SIAH3: variants seen among roughly 807,000 people sequenced by gnomAD.
The protein encoded by SIAH3 is seven in absentia homolog 3.
Under a neutral mutation model 12.6 loss-of-function variants are expected in SIAH3, and 9 were observed. The ratio of observed to expected loss-of-function variants is 0.72; its 90% CI spans 0.43 to 1.25. The LOEUF (loss-of-function observed/expected upper bound fraction) is 1.25. SIAH3 is among the 50% of genes most tolerant of loss of function. SIAH3 has a pLI of 0.00. For missense variants in SIAH3, 390 were observed against 365.4 expected (o/e 1.07, Z -0.55); for synonymous variants, 154 against 151.1 (o/e 1.02, Z -0.14).
chr13:45,796,637 T>C (rs1950563712), intron 1 of SIAH3, among the ~76,000 whole-genome samples: 2 of 152,242 alleles, frequency 1.3e-5, no homozygotes, highest in African/African-American at 2.4e-5. Context: ...CCTTTGCTCC[T>C]AGAGGCAGAA....
rs550880157 is a variant in SIAH3, at chr13:45,783,268, A to AT, written c.*114dup. The AT allele has an allele frequency of 9.3e-6, 6 of 642,780 alleles. No homozygotes were observed. Among genetic ancestry groups the AT allele is most frequent in the Non-Finnish European group, 1.4e-5 (6 of 444,246 alleles). The allele number at this position is 642,780 out of a possible 1,614,324, so 39.8% of individuals were successfully genotyped here. On this transcript the variant is annotated 3_prime_UTR_variant, in exon 2 of 2. Coordinates refer to ENST00000400405, the MANE Select transcript of SIAH3 (RefSeq NM_198849.3). ...GACAAAAAAATAATAATAATTAAAA[A>AT]TTAAAAAAAAAAAAAAGAAAGGAGA...
Position 45,788,684 on chromosome 13 carries a change from G to C in SIAH3, c.136-4627C>G, listed in dbSNP as rs369756512. Among the ~76,000 whole-genome samples, 29 of 152,288 alleles carry C rather than the reference G, an allele frequency of 1.9e-4. No individual in the cohort carries two copies. The South Asian group carries it at 4.3e-3, about 23-fold the overall frequency. On this transcript the variant is annotated intron_variant, in intron 1 of 1. Coordinates refer to ENST00000400405, the MANE Select transcript of SIAH3 (RefSeq NM_198849.3). Reference sequence around the variant, plus strand: ...CTTCTGAAGGGGAAACCTGCCTCTGGAAATACTACATGACCCTTTCTCTGG... The same window carrying C: ...CTTCTGAAGGGGAAACCTGCCTCTGCAAATACTACATGACCCTTTCTCTGG...
At chr13:45,814,876 C>T (rs1950628918) in intron 1 of SIAH3, among the ~76,000 whole-genome samples, 1 of 152,108 alleles carries the variant, frequency 6.6e-6, no homozygotes, top group Non-Finnish European at 1.5e-5. Context: ...GTGTGTGCCA[C>T]CATGCCCAGC....
intron 1 of SIAH3, among the ~76,000 whole-genome samples, chr13:45,850,886 G>A (rs912284230): frequency 2.7e-5 from 4 of 149,590 alleles, no homozygotes; most frequent in Admixed American, 2.0e-4. Context: ...CATCTAACCA[G>A]CAGGAAGGAA....
intron 1 of SIAH3, among the ~76,000 whole-genome samples, chr13:45,800,225 T>C (rs1292505049): frequency 1.3e-5 from 2 of 152,210 alleles, no homozygotes; most frequent in Admixed American, 1.3e-4. Context: ...TGTAGTCTTG[T>C]AAACTGTTTT....
intron 1 of SIAH3, among the ~76,000 whole-genome samples, chr13:45,814,552 T>C (rs1463908290): frequency 6.6e-6 from 1 of 152,076 alleles, no homozygotes; most frequent in Non-Finnish European, 1.5e-5. Context: ...AGAGACAGCA[T>C]ATGTGAGGTG....
At chr13:45,838,195 A>G (rs1319629081) in intron 1 of SIAH3, among the ~76,000 whole-genome samples, 2 of 152,212 alleles carry the variant, frequency 1.3e-5, no homozygotes, top group Non-Finnish European at 2.9e-5. Flanking sequence ...AAGACCACAC[A>G]AGGAAGCAAG....
intron 1 of SIAH3, among the ~76,000 whole-genome samples, chr13:45,794,317 G>A (rs1227347258): frequency 2.6e-5 from 4 of 152,234 alleles, no homozygotes; most frequent in Middle Eastern, 3.4e-3. Flanking sequence ...GTCCTTCCCA[G>A]GATGATTATC....
At chr13:45,794,952 C>CTTT (rs35047520) in intron 1 of SIAH3, among the ~76,000 whole-genome samples, 64 of 145,780 alleles carry the variant, frequency 4.4e-4, no homozygotes, top group African/African-American at 1.5e-3. Context: ...TCACTAGGAC[C>CTTT]TTTTTTTTTT....
intron 1 of SIAH3, among the ~76,000 whole-genome samples, chr13:45,835,510 CA>C (rs1419448955): frequency 6.6e-6 from 1 of 152,180 alleles, no homozygotes; most frequent in East Asian, 1.9e-4. Context: ...TATATTAACT[CA>C]TTTAGTCCTC....
chr13:45,791,020 T>C (rs1825935625), intron 1 of SIAH3, among the ~76,000 whole-genome samples: 1 of 151,814 alleles, frequency 6.6e-6, no homozygotes, highest in Non-Finnish European at 1.5e-5. Context: ...CTACAAAAAA[T>C]ACAAAAATTA....
At chr13:45,848,983 G>A (rs981854072) in intron 1 of SIAH3, among the ~76,000 whole-genome samples, 6 of 152,198 alleles carry the variant, frequency 3.9e-5, no homozygotes, top group African/African-American at 1.2e-4. Flanking sequence ...GGAAATCAGC[G>A]TTTAGAAGGA....
At position 45,849,437 on chromosome 13, in the gene SIAH3, A is replaced by T. The variant is rs80064118; in HGVS notation, c.135+2058T>A. 0.012 allele frequency among the ~76,000 whole-genome samples: 1,784 copies of T among 152,344 alleles called. 108 individuals are homozygous for T. The East Asian group carries it at 0.14, about 12-fold the overall frequency. ...ATTTGCTATTGGAACTCTACAAATT[A>T]TATATACAATAACATACATTATTTT... On this transcript the variant is annotated intron_variant, in intron 1 of 1. Transcript: ENST00000400405.
At chr13:45,840,555 G>T (rs1224956758) in intron 1 of SIAH3, among the ~76,000 whole-genome samples, 1 of 152,180 alleles carries the variant, frequency 6.6e-6, no homozygotes, top group Non-Finnish European at 1.5e-5. Context: ...AATTTGGGAG[G>T]CTATTCCAGC....
chr13:45,799,507 T>C (rs1950574106), intron 1 of SIAH3, among the ~76,000 whole-genome samples: 1 of 152,232 alleles, frequency 6.6e-6, no homozygotes, highest in Admixed American at 6.5e-5. Flanking sequence ...GCACATCACA[T>C]GCCTCATCTC....
Position 45,823,064 on chromosome 13 carries a change from T to C in SIAH3, c.135+28431A>G, listed in dbSNP as rs555805640. Among the ~76,000 whole-genome samples, 73 of 152,334 alleles carry C rather than the reference T, an allele frequency of 4.8e-4. 1 individual carries two copies. Among genetic ancestry groups the C allele is most frequent in the South Asian group, 3.7e-3 (18 of 4,828 alleles). The stretch of plus-strand genomic sequence containing the variant: ...CCCCTCTGCTCCAGATTAAAGCTGT[T>C]AGCTCTTATTTGAACCTCAGTAGAA... On this transcript the variant is annotated intron_variant, in intron 1 of 1. Transcript: ENST00000400405.
Position 45,783,361 on chromosome 13 carries a change from G to T in SIAH3, c.*22C>A. The T allele has an allele frequency of 6.3e-7, 1 of 1,591,888 alleles. No homozygotes were observed. On this transcript the variant is annotated 3_prime_UTR_variant, in exon 2 of 2. Coordinates refer to ENST00000400405, the MANE Select transcript of SIAH3 (RefSeq NM_198849.3). The stretch of plus-strand genomic sequence containing the variant: ...GGCGTTTCCTAGGGAGGCTGTGTGG[G>T]GAGCATCCGTGGCTCCTGGCCTCAC...
intron 1 of SIAH3, among the ~76,000 whole-genome samples, chr13:45,816,725 C>T (rs1267109601): frequency 2.6e-5 from 4 of 152,162 alleles, no homozygotes; most frequent in Admixed American, 6.5e-5. Context: ...ATTTAACTGC[C>T]CCTCACCTGC....
chr13:45,843,309 C>T (rs1293232674), intron 1 of SIAH3, among the ~76,000 whole-genome samples: 2 of 152,084 alleles, frequency 1.3e-5, no homozygotes, highest in Non-Finnish European at 2.9e-5. Flanking sequence ...CAGTTTCTGC[C>T]TCCATCTCTG....
Sources: allele counts gnomAD v4.1 joint callset (sites outside exome capture counted in the v4.1 genomes callset), GRCh38; gene constraint gnomAD v4.1.1; transcripts MANE v1.5; gene names NCBI Gene and HGNC (gene_info 2026-07-23, HGNC 2026-07-21).